Variants in GTF2IRD1 observed in about 807,000 individuals in gnomAD.
GTF2IRD1 encodes the protein general transcription factor II-I repeat domain-containing protein 1.
In GTF2IRD1, 26 loss-of-function variants were observed where a neutral mutation model predicts 113.2. The ratio of observed to expected loss-of-function variants is 0.23; its 90% CI spans 0.17 to 0.32. The LOEUF (loss-of-function observed/expected upper bound fraction) is 0.32. Ranked by LOEUF, GTF2IRD1 falls within the 10% of genes least tolerant of loss-of-function variation. The pLI is 1.00. For synonymous variants in GTF2IRD1, 484 were observed against 529.1 expected (o/e 0.91, Z 1.17); for missense variants, 864 against 1,280.8 (o/e 0.67, Z 4.97).
chr7:74,541,472 AG>A (rs1798633193), intron 14 of GTF2IRD1, among the ~76,000 whole-genome samples: 1 of 152,118 alleles, frequency 6.6e-6, no homozygotes, highest in African/African-American at 2.4e-5. Context: ...CAAAAAATAC[AG>A]AAATTAGTTG....
In GTF2IRD1 at chr7:74,512,817, G is replaced by A. The variant is rs782546936; in HGVS notation, c.124-13G>A. ...GGGAGCCCTTCCGCTCACACAGCCT[G>A]CCCTTCCCACAGTGCTCAGCGCTGT... On this transcript the variant is annotated splice_polypyrimidine_tract_variant and intron_variant, in intron 2 of 26. Coordinates refer to ENST00000424337, the MANE Select transcript of GTF2IRD1 (RefSeq NM_005685.4). This position sits in a 1 kb window ranked among gnomAD's most constrained non-coding sequence, Gnocchi z 4.4. The A allele has an allele frequency of 1.2e-6, 2 of 1,613,070 alleles. No individual in the cohort carries two copies. The highest frequency in any genetic ancestry group is 2.7e-5 in the African/African-American group (2 of 74,916).
chr7:74,595,068 GA>G lies in GTF2IRD1; in HGVS notation c.2629+19del. 1 of 1,584,528 alleles carries G rather than the reference GA, an allele frequency of 6.3e-7. No individual in the cohort carries two copies. The highest frequency in any genetic ancestry group is 8.7e-7 in the Non-Finnish European group (1 of 1,154,782). ...AGGTGCCAGGTGAGTCAGAGGTGAAGAAGCCACCCTTCTGCTCCGTGGGGAC... is the reference window on the plus strand; with the variant it reads ...AGGTGCCAGGTGAGTCAGAGGTGAAGAGCCACCCTTCTGCTCCGTGGGGAC... On this transcript the variant is annotated intron_variant, in intron 25 of 26. Coordinates refer to ENST00000424337, the MANE Select transcript of GTF2IRD1 (RefSeq NM_005685.4).
chr7:74,522,759 T>C (rs1002164083), intron 7 of GTF2IRD1, among the ~76,000 whole-genome samples: 6 of 152,246 alleles, frequency 3.9e-5, no homozygotes, highest in Admixed American at 6.5e-5. Context: ...CTCAGTTTCT[T>C]TGAGCCTCAG....
intron 1 of GTF2IRD1, among the ~76,000 whole-genome samples, chr7:74,480,365 G>T (rs1446753683): frequency 6.6e-6 from 1 of 152,192 alleles, no homozygotes; most frequent in Admixed American, 6.5e-5. Context: ...ATGTGGATCT[G>T]TGAGCCTGGC....
chr7:74,577,778 G>A (rs782497837), intron 22 of GTF2IRD1, among the ~76,000 whole-genome samples: 23 of 151,916 alleles, frequency 1.5e-4, no homozygotes, highest in African/African-American at 4.6e-4. Context: ...TCAGCCCCTC[G>A]AGTGGCTAGG....
intron 1 of GTF2IRD1, among the ~76,000 whole-genome samples, chr7:74,473,416 G>A (rs189781728): frequency 2.0e-4 from 31 of 151,988 alleles, no homozygotes; most frequent in African/African-American, 7.0e-4. Context: ...GTTGCATGGT[G>A]GCAGCTCAGG....
chr7:74,492,152 C>T (rs1327516279), intron 1 of GTF2IRD1, among the ~76,000 whole-genome samples: 1 of 151,076 alleles, frequency 6.6e-6, no homozygotes, highest in African/African-American at 2.4e-5. Flanking sequence ...TACAGGCACA[C>T]ACTACCATTC....
chr7:74,548,156 G>A (rs587721631), intron 17 of GTF2IRD1, among the ~76,000 whole-genome samples: 3 of 152,282 alleles, frequency 2.0e-5, no homozygotes, highest in African/African-American at 2.4e-5. Flanking sequence ...GGTGGCTCAC[G>A]CCTGTAATCC....
At chr7:74,550,376 T>A (rs1314335725) in intron 17 of GTF2IRD1, among the ~76,000 whole-genome samples, 2 of 151,842 alleles carry the variant, frequency 1.3e-5, no homozygotes, top group Admixed American at 1.3e-4. Context: ...GAAGGAGGGC[T>A]TCTTTCAACA....
At chr7:74,589,057 T>TA (rs1436229170) in intron 22 of GTF2IRD1, among the ~76,000 whole-genome samples, 2 of 151,938 alleles carry the variant, frequency 1.3e-5, no homozygotes, top group Admixed American at 6.6e-5. Context: ...GGGACACTGA[T>TA]AAAAAAATGT....
At chr7:74,549,531 A>G (rs1799167547) in intron 17 of GTF2IRD1, among the ~76,000 whole-genome samples, 2 of 152,188 alleles carry the variant, frequency 1.3e-5, no homozygotes, top group Admixed American at 1.3e-4. Flanking sequence ...GCAGATAGCA[A>G]AAAGCTATGC....
chr7:74,557,806 A>G (rs1799691598), intron 20 of GTF2IRD1, 84 bp downstream of exon 20: 2 of 806,666 alleles, frequency 2.5e-6, no homozygotes, highest in Non-Finnish European at 4.2e-6. Flanking sequence ...AGCCGAGGGC[A>G]TTTCTGGGGA....
At chr7:74,528,807 AT>A (rs1797768030) in intron 8 of GTF2IRD1, among the ~76,000 whole-genome samples, 1 of 87,620 alleles carries the variant, frequency 1.1e-5, no homozygotes, top group Non-Finnish European at 2.6e-5. Flanking sequence ...GGGTGGGTGG[AT>A]GGATGGATGG....
chr7:74,592,582 T>C (rs1802130072), intron 24 of GTF2IRD1, among the ~76,000 whole-genome samples: 1 of 151,586 alleles, frequency 6.6e-6, no homozygotes, highest in Admixed American at 6.6e-5. Context: ...TTACTCAGGC[T>C]AGAGTGCAAT....
intron 8 of GTF2IRD1, among the ~76,000 whole-genome samples, chr7:74,527,703 G>T (rs974114042): frequency 6.6e-6 from 1 of 152,100 alleles, no homozygotes; most frequent in African/African-American, 2.4e-5. Flanking sequence ...TTAGCTGGGC[G>T]TGGTGGCACA....
At position 74,480,566 on chromosome 7, in the gene GTF2IRD1, G is replaced by A. The variant is rs1562786148; in HGVS notation, c.-7+26390G>A. 2.0e-5 allele frequency among the ~76,000 whole-genome samples: 3 copies of A among 152,194 alleles called. 1 individual carries two copies. The East Asian group carries it at 5.8e-4, about 29-fold the overall frequency. Reference sequence around the variant, plus strand: ...GCACGCAGGCCCGCGTCAGGACTGCGATTTCTCATCCTGGTCACGCAGGCA... The same window carrying A: ...GCACGCAGGCCCGCGTCAGGACTGCAATTTCTCATCCTGGTCACGCAGGCA... On this transcript the variant is annotated intron_variant, in intron 1 of 26. Coordinates refer to ENST00000424337, the MANE Select transcript of GTF2IRD1 (RefSeq NM_005685.4).
chr7:74,455,797 G>A (rs971912184), intron 1 of GTF2IRD1, among the ~76,000 whole-genome samples: 8 of 152,260 alleles, frequency 5.3e-5, no homozygotes, highest in Middle Eastern at 3.4e-3. Context: ...CTGTTCTGAG[G>A]GTGACCTAGA....
intron 22 of GTF2IRD1, among the ~76,000 whole-genome samples, chr7:74,573,001 C>T (rs1800783153): frequency 6.6e-6 from 1 of 152,052 alleles, no homozygotes; most frequent in Non-Finnish European, 1.5e-5. Context: ...GTTGGGGAGA[C>T]CCTGCCCTTT....
chr7:74,529,142 AG>A (rs1276599228), intron 8 of GTF2IRD1, among the ~76,000 whole-genome samples: 3 of 152,084 alleles, frequency 2.0e-5, no homozygotes, highest in African/African-American at 7.2e-5. Context: ...AGGGGGCGGC[AG>A]GGGTAGGGGG....
Sources: allele counts gnomAD v4.1 joint callset (sites outside exome capture counted in the v4.1 genomes callset), GRCh38; gene constraint gnomAD v4.1.1; non-coding constraint Gnocchi (gnomAD v3.1); transcripts MANE v1.5; gene names NCBI Gene and HGNC (gene_info 2026-07-23, HGNC 2026-07-21).